NAALADL2: variants seen among roughly 807,000 people sequenced by gnomAD.
NAALADL2 encodes the protein inactive N-acetylated-alpha-linked acidic dipeptidase-like protein 2.
Under a neutral mutation model 87.2 loss-of-function variants are expected in NAALADL2, and 76 were observed. That is an observed-to-expected ratio of 0.87 (90% CI 0.72 to 1.05). The LOEUF (loss-of-function observed/expected upper bound fraction) is 1.05. Among genes scored for constraint, NAALADL2 ranks in the 50% least tolerant of loss-of-function variants. The probability of loss-of-function intolerance (pLI) is 0.00; values close to 1 mark genes in which losing one functional copy is unlikely to be tolerated. For missense variants in NAALADL2, 1,089 were observed against 945.8 expected (o/e 1.15, Z -1.99); for synonymous variants, 354 against 331.0 (o/e 1.07, Z -0.75).
chr3:175,722,082 G>A lies in NAALADL2; in HGVS notation c.1897-15224G>A, dbSNP rs558777840. On this transcript the variant is annotated intron_variant, in intron 11 of 13. Transcript: ENST00000454872. ...GCATTTTGTTGTCTGTAAAAGTAAC[G>A]TATTGAGAGCCTTAAGACCTTAATC... is the stretch of plus-strand genomic sequence containing the variant. Among the ~76,000 whole-genome samples the A allele has an allele frequency of 2.6e-5, 4 of 152,086 alleles. No individual in the cohort carries two copies. The South Asian group carries it at 6.2e-4, about 24-fold the overall frequency.
intron 1 of NAALADL2, among the ~76,000 whole-genome samples, chr3:175,023,395 A>G (rs1175632451): frequency 6.6e-6 from 1 of 152,132 alleles, no homozygotes; most frequent in African/African-American, 2.4e-5. Flanking sequence ...ATAGTCTAGT[A>G]GGAAAAGGGA....
intron 4 of NAALADL2, among the ~76,000 whole-genome samples, chr3:175,285,516 C>T (rs1258782943): frequency 6.6e-6 from 1 of 152,086 alleles, no homozygotes; most frequent in Non-Finnish European, 1.5e-5. Flanking sequence ...TACATTCATT[C>T]CTATTTGACC....
chr3:175,694,385 T>A (rs1737459802), intron 11 of NAALADL2, among the ~76,000 whole-genome samples: 2 of 152,142 alleles, frequency 1.3e-5, no homozygotes, highest in Non-Finnish European at 2.9e-5. Context: ...AAAGCATGTC[T>A]AAGAAATCAA....
chr3:174,504,552 T>C (rs2108376147), intron 1 of NAALADL2, among the ~76,000 whole-genome samples: 1 of 152,230 alleles, frequency 6.6e-6, no homozygotes, highest in South Asian at 2.1e-4. Flanking sequence ...TGTTTAAACA[T>C]TGTCTTCTGT....
At chr3:174,699,904 T>G (rs1729396651) in intron 2 of NAALADL2, among the ~76,000 whole-genome samples, 1 of 151,592 alleles carries the variant, frequency 6.6e-6, no homozygotes, top group Admixed American at 6.6e-5. Context: ...ATTACTGATC[T>G]TAGGGAAACT....
At chr3:175,449,663 G>A (rs1721258478) in intron 6 of NAALADL2, among the ~76,000 whole-genome samples, 1 of 152,096 alleles carries the variant, frequency 6.6e-6, no homozygotes, top group Non-Finnish European at 1.5e-5. Flanking sequence ...AAAGTGCTGG[G>A]ATTACAGGCA....
At chr3:175,327,182 G>T (rs1760835305) in intron 5 of NAALADL2, among the ~76,000 whole-genome samples, 1 of 118,268 alleles carries the variant, frequency 8.5e-6, no homozygotes, top group African/African-American at 3.5e-5. Context: ...CTGAGATGGA[G>T]TCTCGCTCTG....
At chr3:175,289,733 G>A (rs1265912080) in intron 4 of NAALADL2, among the ~76,000 whole-genome samples, 1 of 152,140 alleles carries the variant, frequency 6.6e-6, no homozygotes, top group African/African-American at 2.4e-5. Flanking sequence ...GGCTAAGGCA[G>A]GAGGATCACT....
rs1553945220 is a variant in NAALADL2, at chr3:175,667,241, AAAAG to A, written c.1896+39876_1896+39879del. 2.1e-3 allele frequency among the ~76,000 whole-genome samples: 194 copies of A among 91,762 alleles called. 2 individuals are homozygous for A. The highest frequency in any genetic ancestry group is 0.01 in the East Asian group (35 of 3,436). The allele number at this position is 91,762 out of a possible 152,430, so 60.2% of individuals were successfully genotyped here. ...AAAGAAAGAAAGAAAGAAAGAAAGA[AAAAG>A]AAAGAAAGAAAGAAAGAAAGGAAGG... On this transcript the variant is annotated intron_variant, in intron 11 of 13. Coordinates refer to ENST00000454872, the MANE Select transcript of NAALADL2 (RefSeq NM_207015.3).
intron 2 of NAALADL2, among the ~76,000 whole-genome samples, chr3:174,696,656 A>AT (rs1729049334): frequency 6.7e-6 from 1 of 149,768 alleles, no homozygotes; most frequent in South Asian, 2.1e-4. Flanking sequence ...CTACAGATAT[A>AT]TTTTTTCCAT....
At chr3:174,507,966 A>G (rs1373861398) in intron 1 of NAALADL2, among the ~76,000 whole-genome samples, 1 of 152,138 alleles carries the variant, frequency 6.6e-6, no homozygotes, top group Admixed American at 6.5e-5. Flanking sequence ...ATATAACTTT[A>G]TAAAATAAAA....
intron 3 of NAALADL2, among the ~76,000 whole-genome samples, chr3:175,239,714 C>A (rs576260706): frequency 1.6e-4 from 24 of 152,230 alleles, no homozygotes; most frequent in African/African-American, 5.8e-4. Flanking sequence ...GTGTCACTAC[C>A]CTATTCTGCA....
chr3:175,098,216 G>A (rs1721480548), intron 2 of NAALADL2, among the ~76,000 whole-genome samples: 3 of 151,938 alleles, frequency 2.0e-5, no homozygotes, highest in African/African-American at 7.3e-5. Context: ...TTTAATATGT[G>A]GATAACAACA....
In NAALADL2 at chr3:175,434,748, T is replaced by G. The variant is rs201009665; in HGVS notation, c.1091-12481T>G. ...GCAAATCATTCCAATGTTTATACCC[T>G]TCAAGTAAGAGATGGAAAGCTTCTC... On this transcript the variant is annotated intron_variant, in intron 5 of 13. Transcript: ENST00000454872. 1.4e-4 allele frequency among the ~76,000 whole-genome samples: 22 copies of G among 152,172 alleles called. No homozygotes were observed. The East Asian group carries it at 4.0e-3, about 28-fold the overall frequency.
chr3:174,736,682 A>G (rs1205155579), intron 2 of NAALADL2, among the ~76,000 whole-genome samples: 2 of 152,050 alleles, frequency 1.3e-5, no homozygotes, highest in Admixed American at 6.6e-5. Flanking sequence ...GTCGGCCTGG[A>G]AAAAGCACCA....
At chr3:175,073,534 A>G (rs1219590883) in intron 1 of NAALADL2, among the ~76,000 whole-genome samples, 1 of 152,132 alleles carries the variant, frequency 6.6e-6, no homozygotes, top group Non-Finnish European at 1.5e-5. Context: ...TCATTTTACT[A>G]ATACAATTAC....
chr3:175,205,679 G>A (rs892744669), intron 2 of NAALADL2, among the ~76,000 whole-genome samples: 1 of 151,970 alleles, frequency 6.6e-6, no homozygotes, highest in South Asian at 2.1e-4. Context: ...TTGGGAGAAA[G>A]TCTTCACAAT....
At chr3:175,012,901 T>G (rs1750036732) in intron 1 of NAALADL2, among the ~76,000 whole-genome samples, 1 of 149,958 alleles carries the variant, frequency 6.7e-6, no homozygotes, top group South Asian at 2.1e-4. Context: ...CAAAACCACT[T>G]TGTAAATGTA....
At chr3:175,337,543 A>G (rs1228020555) in intron 5 of NAALADL2, among the ~76,000 whole-genome samples, 2 of 152,148 alleles carry the variant, frequency 1.3e-5, no homozygotes, top group Non-Finnish European at 2.9e-5. Flanking sequence ...GCACGAACAA[A>G]ATATGGTTAT....
Sources: gnomAD v4.1 joint callset for allele counts (sites outside exome capture counted in the v4.1 genomes callset) on GRCh38, gnomAD v4.1.1 for gene constraint, MANE v1.5 for transcripts, NCBI Gene and HGNC (gene_info 2026-07-23, HGNC 2026-07-21) for gene names.